XPC: variants seen among roughly 807,000 people sequenced by gnomAD.
The protein encoded by XPC is XPC complex subunit, DNA damage recognition and repair factor.
A neutral mutation model predicts 95.8 loss-of-function variants in XPC; 76 were observed. That is an observed-to-expected ratio of 0.79 (90% confidence interval 0.66 to 0.96). XPC has a LOEUF of 0.96. Among genes scored for constraint, XPC ranks in the 40% least tolerant of loss-of-function variants. The probability of loss-of-function intolerance (pLI) is 0.00; values close to 1 mark genes in which losing one functional copy is unlikely to be tolerated. For synonymous variants in XPC, 442 were observed against 442.1 expected (o/e 1.00, Z 0.00); for missense variants, 1,146 against 1,179.8 (o/e 0.97, Z 0.42).
chr3:14,149,702 C>G (rs1038393508), intron 11 of XPC: 1 of 152,252 alleles, frequency 6.6e-6, no homozygotes, highest in Non-Finnish European at 1.5e-5. Flanking sequence ...TCAAATGATC[C>G]ACCTGCCTTG....
At chr3:14,160,941 T>C (rs981064713) in intron 7 of XPC, among the ~76,000 whole-genome samples, 2 of 152,194 alleles carry the variant, frequency 1.3e-5, no homozygotes, top group African/African-American at 2.4e-5. Context: ...TTAGACAAGA[T>C]AATGCAGGTG....
intron 1 of XPC, among the ~76,000 whole-genome samples, chr3:14,173,862 C>G (rs1696709233): frequency 1.3e-5 from 2 of 152,006 alleles, no homozygotes; most frequent in African/African-American, 2.4e-5. Flanking sequence ...AATCTTTTGT[C>G]TTTGCATGAC....
rs376802950 is a variant in XPC, at chr3:14,178,543, C to A, written c.26G>T (p.Gly9Val). The A allele has an allele frequency of 2.8e-5, 45 of 1,612,998 alleles. No homozygotes were observed. Among genetic ancestry groups the A allele is most frequent in the Admixed American group, 6.7e-5 (4 of 59,976 alleles). Residue 9 changes from glycine (G) to valine (V), a missense_variant, in exon 1 of 16, where the codon GGG (glycine) becomes GTG (valine). Coordinates refer to ENST00000285021, the MANE Select transcript of XPC (RefSeq NM_004628.5). Reference protein sequence around the residue: MARKRAAGGEPRGRELRSQ... With the variant: MARKRAAGVEPRGRELRSQ... ...GCGCAGTTCGCGTCCCCGCGGCTCC[C>A]CGCCGGCCGCGCGTTTCCGAGCCAT... is the stretch of plus-strand genomic sequence containing the variant.
intron 13 of XPC, 92 bp downstream of exon 13, chr3:14,148,470 C>T: frequency 6.6e-7 from 1 of 1,524,900 alleles, no homozygotes; most frequent in Non-Finnish European, 8.8e-7. Context: ...GGCCTCAACT[C>T]CCAGCAGCCC....
At position 14,173,022 on chromosome 3, in the gene XPC, G is replaced by A. The variant is rs764636472; in HGVS notation, c.144C>T (p.Leu48=). 1 of 1,607,870 alleles carries A rather than the reference G, an allele frequency of 6.2e-7. No individual in the cohort carries two copies. The change falls in exon 2 of 16, where the codon CTC becomes CTT. Residue 48 remains leucine (L), a synonymous_variant. Transcript: ENST00000285021. ...EDEKPPKKSL[L]SKVSQGKRKR... The stretch of plus-strand genomic sequence containing the variant: ...TCCTCTTTCCTTGTGAAACTTTGGA[G>A]AGAAGGCTCTTCTTTGGGGGTTTCT...
chr3:14,147,885 C>T (rs2125008160), intron 14 of XPC, 23 bp downstream of exon 14: 2 of 1,575,130 alleles, frequency 1.3e-6, no homozygotes, highest in South Asian at 2.3e-5. Flanking sequence ...TCTGCTGTCC[C>T]TCAGTCCTGC....
Position 14,158,153 on chromosome 3 carries a change from C to G in XPC, c.1730G>C (p.Trp577Ser), listed in dbSNP as rs776349540. The change falls in exon 9 of 16, where the codon TGG becomes TCG. Residue 577 changes from tryptophan (W) to serine (S), a missense_variant. Trp to Ser is a radical substitution (Grantham distance 177). Coordinates refer to ENST00000285021, the MANE Select transcript of XPC (RefSeq NM_004628.5). The surrounding 1 kb of genome is among the most constrained non-coding windows in gnomAD (Gnocchi z 5.2). ...GTACCTCTGTGTGACATCTCGGACC[C>G]AGCCGTCACTGTCAATGCCCACCAC... Reference protein sequence around the residue: ...TYVVGIDSDGWVRDVTQRYDP... With the variant: ...TYVVGIDSDGSVRDVTQRYDP... 1 of 1,613,970 alleles carries G rather than the reference C, an allele frequency of 6.2e-7. No homozygotes were observed. The highest frequency in any genetic ancestry group is 1.7e-5 in the Admixed American group (1 of 60,022).
At chr3:14,168,168 T>TCCC in intron 4 of XPC, 89 bp downstream of exon 4, 1 of 1,475,046 alleles carries the variant, frequency 6.8e-7, no homozygotes, top group Middle Eastern at 1.9e-4. Context: ...TCAGTCCTGG[T>TCCC]CCCCTACAAG....
At chr3:14,151,665 T>G (rs1168247883) in intron 11 of XPC, 2 of 152,180 alleles carry the variant, frequency 1.3e-5, no homozygotes, top group Non-Finnish European at 2.9e-5. Flanking sequence ...CACTGTACAC[T>G]TCCGGTCGTA....
At chr3:14,148,168 G>T in intron 13 of XPC, 167 bp from the exon 14 acceptor site, 1 of 626,656 alleles carries the variant, frequency 1.6e-6, no homozygotes, top group Non-Finnish European at 2.7e-6. Context: ...GCAGGCCTGT[G>T]GAAGCTGGCA....
chr3:14,164,142 G>A (rs936253817), intron 7 of XPC, among the ~76,000 whole-genome samples: 6 of 152,196 alleles, frequency 3.9e-5, no homozygotes, highest in Admixed American at 1.3e-4. Context: ...AAGCCAACAC[G>A]GAAGAAGAGA....
chr3:14,145,370 C>A lies in XPC; in HGVS notation c.*571G>T, dbSNP rs1261598960. 2.9e-6 allele frequency: 2 copies of A among 700,050 alleles called. No individual in the cohort carries two copies. The highest frequency in any genetic ancestry group is 3.0e-5 in the South Asian group (2 of 67,476). The allele number at this position is 700,050 out of a possible 1,614,324, so 43.4% of individuals were successfully genotyped here. On this transcript the variant is annotated 3_prime_UTR_variant, in exon 16 of 16. Coordinates refer to ENST00000285021, the MANE Select transcript of XPC (RefSeq NM_004628.5). ...CAAAATGTTACTTGGAAAACTAGATCCCAGCAGATGACCTGTACTTCTCTG... is the reference window on the plus strand; with the variant it reads ...CAAAATGTTACTTGGAAAACTAGATACCAGCAGATGACCTGTACTTCTCTG...
chr3:14,150,653 A>G (rs1427967855), intron 11 of XPC, among the ~76,000 whole-genome samples: 2 of 152,240 alleles, frequency 1.3e-5, no homozygotes, highest in African/African-American at 4.8e-5. Flanking sequence ...CTGCAGGGGA[A>G]GAGACAGAGC....
intron 15 of XPC, among the ~76,000 whole-genome samples, chr3:14,146,863 G>C (rs1277838324): frequency 6.6e-6 from 1 of 152,228 alleles, no homozygotes; most frequent in Non-Finnish European, 1.5e-5. Context: ...ATTCACACCT[G>C]TGTCCAAGCC....
intron 5 of XPC, chr3:14,165,914 T>C (rs1696360394): frequency 3.5e-6 from 1 of 283,232 alleles, no homozygotes; most frequent in Admixed American, 4.5e-5. Flanking sequence ...AATGCTGCCA[T>C]GTCTGGGGTT....
rs1363556422 is a variant in XPC at position 14,145,379 on chromosome 3, T to C, written c.*562A>G. On this transcript the variant is annotated 3_prime_UTR_variant, in exon 16 of 16. Coordinates refer to ENST00000285021, the MANE Select transcript of XPC (RefSeq NM_004628.5). ...ACTTGGAAAACTAGATCCCAGCAGA[T>C]GACCTGTACTTCTCTGCTCTCTCCC... 1.4e-6 allele frequency: 1 copy of C among 700,086 alleles called. No homozygotes were observed. Among genetic ancestry groups the C allele is most frequent in the African/African-American group, 1.7e-5 (1 of 57,156 alleles). 43.4% of individuals were successfully genotyped at this position (700,086 alleles called of 1,614,324 possible). A position where few individuals can be genotyped will look rare whatever the true frequency, so the allele number is the denominator to read the frequency against.
intron 7 of XPC, among the ~76,000 whole-genome samples, chr3:14,160,823 A>T (rs1696139887): frequency 6.6e-6 from 1 of 152,232 alleles, no homozygotes; most frequent in South Asian, 2.1e-4. Flanking sequence ...CAGGTCCAGA[A>T]GTCTGGATAA....
intron 9 of XPC, among the ~76,000 whole-genome samples, chr3:14,156,714 G>A (rs1238794574): frequency 2.0e-5 from 3 of 152,156 alleles, no homozygotes; most frequent in Non-Finnish European, 4.4e-5. Flanking sequence ...TGTGGCTTGT[G>A]GCAACTTCAA....
intron 14 of XPC, chr3:14,147,703 C>T (rs1559368101): frequency 1.7e-6 from 1 of 601,658 alleles, no homozygotes; most frequent in Non-Finnish European, 2.9e-6. Flanking sequence ...GAGCCCGGAC[C>T]CAGGCTCCTC....
Sources: gnomAD v4.1 joint callset for allele counts (sites outside exome capture counted in the v4.1 genomes callset) on GRCh38, gnomAD v4.1.1 for gene constraint, Gnocchi (gnomAD v3.1) non-coding constraint, MANE v1.5 for transcripts, NCBI Gene and HGNC (gene_info 2026-07-23, HGNC 2026-07-21) for gene names.